Variants in TIAM2 observed in about 807,000 individuals in gnomAD.
The protein encoded by TIAM2 is TIAM Rac1 associated GEF 2, also known as rho guanine nucleotide exchange factor TIAM2.
A neutral mutation model predicts 152.9 loss-of-function variants in TIAM2; 80 were observed. The observed-to-expected ratio is 0.52, with a 90% CI of 0.44 to 0.63. TIAM2 has a LOEUF of 0.63. Ranked by LOEUF, TIAM2 falls within the 30% of genes least tolerant of loss-of-function variation. TIAM2 has a pLI of 0.00. For synonymous variants in TIAM2, 804 were observed against 838.0 expected (o/e 0.96, Z 0.70); for missense variants, 1,965 against 2,120.1 (o/e 0.93, Z 1.44).
At chr6:155,210,217 A>C (rs879839783) in intron 14 of TIAM2, among the ~76,000 whole-genome samples, 1 of 151,640 alleles carries the variant, frequency 6.6e-6, no homozygotes, top group African/African-American at 2.4e-5. Context: ...TATTATTTAA[A>C]TTTTTTAATG....
At chr6:155,072,302 C>T (rs532797265) in intron 1 of TIAM2, among the ~76,000 whole-genome samples, 10 of 152,176 alleles carry the variant, frequency 6.6e-5, no homozygotes, top group Non-Finnish European at 1.3e-4. Context: ...GACTGGAAAT[C>T]CTCCAGTAGG....
At chr6:155,032,420 T>C (rs1776842798) in intron 1 of TIAM2, among the ~76,000 whole-genome samples, 1 of 152,168 alleles carries the variant, frequency 6.6e-6, no homozygotes, top group African/African-American at 2.4e-5. Context: ...CACACAAGCA[T>C]CACATCAAAC....
At chr6:155,165,220 A>T in intron 8 of TIAM2, 43 bp from the exon 9 acceptor site, 1 of 1,566,354 alleles carries the variant, frequency 6.4e-7, no homozygotes. Flanking sequence ...TGCCACTCAA[A>T]TACTAAGCCT....
At chr6:155,037,687 G>A (rs970563751) in intron 1 of TIAM2, among the ~76,000 whole-genome samples, 4 of 152,058 alleles carry the variant, frequency 2.6e-5, no homozygotes, top group African/African-American at 7.2e-5. Flanking sequence ...GCACCACCAC[G>A]CCTGCCTAAT....
At chr6:155,132,831 C>T (rs768592174) in intron 4 of TIAM2, among the ~76,000 whole-genome samples, 1 of 152,208 alleles carries the variant, frequency 6.6e-6, no homozygotes, top group Non-Finnish European at 1.5e-5. Flanking sequence ...GTATATGTGG[C>T]CTGGCTTACA....
At chr6:155,232,133 G>A (rs544844036) in intron 15 of TIAM2, among the ~76,000 whole-genome samples, 13 of 152,182 alleles carry the variant, frequency 8.5e-5, no homozygotes, top group Non-Finnish European at 1.9e-4. Context: ...TAGTCATTCA[G>A]CCCTCTGTGG....
chr6:155,236,524 G>A (rs1023655875), intron 15 of TIAM2, among the ~76,000 whole-genome samples: 2 of 152,046 alleles, frequency 1.3e-5, no homozygotes, highest in East Asian at 1.9e-4. Context: ...TTAGCCAGGT[G>A]TGGTGGTGGG....
intron 1 of TIAM2, among the ~76,000 whole-genome samples, chr6:155,089,554 C>A (rs1237274092): frequency 6.6e-6 from 1 of 152,202 alleles, no homozygotes; most frequent in Non-Finnish European, 1.5e-5. Flanking sequence ...GCACTACCCA[C>A]TTGAGTTCTG....
chr6:155,047,992 G>A (rs927134101), intron 1 of TIAM2, among the ~76,000 whole-genome samples: 2 of 151,996 alleles, frequency 1.3e-5, no homozygotes, highest in African/African-American at 2.4e-5. Context: ...TCTTGCTGTC[G>A]CCCAGGCTGG....
At chr6:155,017,607 T>C (rs977030772) in intron 1 of TIAM2, among the ~76,000 whole-genome samples, 5 of 150,246 alleles carry the variant, frequency 3.3e-5, no homozygotes, top group Non-Finnish European at 5.9e-5. Context: ...GGGTTCAAGC[T>C]ATACTCCTGC....
In TIAM2 at chr6:155,041,441, G is replaced by T. The variant is rs4276513; in HGVS notation, c.-209+45949G>T. Among the ~76,000 whole-genome samples the T allele has an allele frequency of 6.0e-4, 92 of 152,176 alleles. 1 individual carries two copies. In the East Asian group the frequency reaches 0.013, roughly 21 times the overall value. ...GTTTGAGTTTTGCCAAATTATTTTT[G>T]GCTGGCTTCATACTCACTCCAAAGA... On this transcript the variant is annotated intron_variant, in intron 1 of 26. Coordinates refer to ENST00000682666, the MANE Select transcript of TIAM2 (RefSeq NM_012454.4).
intron 14 of TIAM2, among the ~76,000 whole-genome samples, chr6:155,191,037 C>T (rs1391556953): frequency 3.3e-5 from 5 of 152,134 alleles, no homozygotes; most frequent in Non-Finnish European, 7.3e-5. Flanking sequence ...TTTTAGCTCT[C>T]GTGTTTAGAG....
At chr6:155,044,849 T>G (rs2114912018) in intron 1 of TIAM2, among the ~76,000 whole-genome samples, 1 of 152,104 alleles carries the variant, frequency 6.6e-6, no homozygotes, top group Admixed American at 6.6e-5. Flanking sequence ...ATAGCTCATC[T>G]TATGTCTCCG....
chr6:155,212,938 A>G (rs905758362), intron 15 of TIAM2, among the ~76,000 whole-genome samples: 1 of 152,152 alleles, frequency 6.6e-6, no homozygotes, highest in African/African-American at 2.4e-5. Flanking sequence ...TGGATCACAC[A>G]TATTACAAGC....
intron 1 of TIAM2, among the ~76,000 whole-genome samples, chr6:155,041,602 G>A (rs973599469): frequency 6.6e-6 from 1 of 152,012 alleles, no homozygotes; most frequent in Non-Finnish European, 1.5e-5. Flanking sequence ...AAAATTAGTT[G>A]TCACGTTCAT....
intron 1 of TIAM2, among the ~76,000 whole-genome samples, chr6:155,008,255 A>T (rs994454753): frequency 2.0e-5 from 3 of 152,206 alleles, no homozygotes; most frequent in African/African-American, 7.2e-5. Context: ...CTCATTTGGC[A>T]TTCTTAAAAT....
intron 7 of TIAM2, among the ~76,000 whole-genome samples, chr6:155,160,612 T>G (rs1180125452): frequency 6.6e-6 from 1 of 151,924 alleles, no homozygotes; most frequent in Admixed American, 6.6e-5. Context: ...ACAAAAAAAA[T>G]GCAAAAATTA....
At chr6:155,148,460 G>A (rs570469141) in intron 7 of TIAM2, 126 bp downstream of exon 7, 1 of 948,098 alleles carries the variant, frequency 1.1e-6, no homozygotes, top group South Asian at 1.7e-5. Flanking sequence ...ACACCCTGGG[G>A]GAAATAATTT....
chr6:155,001,757 T>C (rs537006772), intron 1 of TIAM2, among the ~76,000 whole-genome samples: 15 of 152,368 alleles, frequency 9.8e-5, no homozygotes, highest in Admixed American at 2.6e-4. Context: ...GTTAGGTTTC[T>C]GAATGTGCCT....
Sources: allele counts gnomAD v4.1 joint callset (sites outside exome capture counted in the v4.1 genomes callset), GRCh38; gene constraint gnomAD v4.1.1; transcripts MANE v1.5; gene names NCBI Gene and HGNC (gene_info 2026-07-23, HGNC 2026-07-21).